Variants in TRIM13 observed in about 807,000 individuals in gnomAD.
TRIM13 encodes the protein E3 ubiquitin-protein ligase TRIM13.
A neutral mutation model predicts 27.1 loss-of-function variants in TRIM13; 15 were observed. The ratio of observed to expected loss-of-function variants is 0.55; its 90% CI spans 0.37 to 0.85. TRIM13 has a LOEUF of 0.85. Ranked by LOEUF, TRIM13 falls within the 40% of genes least tolerant of loss-of-function variation. The pLI, the probability that TRIM13 is intolerant of heterozygous loss-of-function variation, is 0.00. For synonymous variants in TRIM13, 193 were observed against 171.5 expected (o/e 1.13, Z -0.98); for missense variants, 402 against 472.2 (o/e 0.85, Z 1.38).
In TRIM13 at chr13:50,013,095, A is replaced by G. The variant is rs1875868040; in HGVS notation, c.1155A>G (p.Arg385=). The G allele has an allele frequency of 6.2e-7, 1 of 1,612,670 alleles. No individual in the cohort carries two copies. Among genetic ancestry groups the G allele is most frequent in the African/African-American group, 1.3e-5 (1 of 74,810 alleles). ...VTDGFFIFNE[R]FKNFTLVVLN... ...ATGGGTTTTTCATTTTCAATGAAAGATTCAAGAATTTTACTTTGGTGGTAC... is the reference window on the plus strand; with the variant it reads ...ATGGGTTTTTCATTTTCAATGAAAGGTTCAAGAATTTTACTTTGGTGGTAC... Residue 385 remains arginine (R), a synonymous_variant, in exon 2 of 2, where the codon AGA becomes AGG. Coordinates refer to ENST00000378182, the MANE Select transcript of TRIM13 (RefSeq NM_213590.3).
intron 1 of TRIM13, among the ~76,000 whole-genome samples, chr13:50,005,995 G>A (rs910086921): frequency 2.6e-5 from 4 of 151,938 alleles, no homozygotes; most frequent in Non-Finnish European, 5.9e-5. Flanking sequence ...GATTACAGGC[G>A]TAAACCACCG....
chr13:50,015,097 ATATATATATATATATATATATATAT>A lies in TRIM13; in HGVS notation c.*1934_*1958del, dbSNP rs1876325807. 1 of 3,418 alleles carries A rather than the reference ATATATATATATATATATATATATAT, an allele frequency of 2.9e-4. No individual in the cohort carries two copies. Among genetic ancestry groups the A allele is most frequent in the African/African-American group, 6.3e-4 (1 of 1,580 alleles). 0.2% of individuals were successfully genotyped at this position (3,418 alleles called of 1,614,324 possible). A position where few individuals can be genotyped will look rare whatever the true frequency, so the allele number is the denominator to read the frequency against. On this transcript the variant is annotated 3_prime_UTR_variant, in exon 2 of 2. Coordinates refer to ENST00000378182, the MANE Select transcript of TRIM13 (RefSeq NM_213590.3). ...TAATAAAAAAAAAAAAAAAAAAAAT[ATATATATATATATATATATATATAT>A]ATATATATATATATATATATATATA...
Position 50,012,094 on chromosome 13 carries a change from T to C in TRIM13, c.154T>C (p.Phe52Leu). The change falls in exon 2 of 2, where the codon TTC (phenylalanine) becomes CTC (leucine). Residue 52 changes from phenylalanine (F) to leucine (L), a missense_variant. This residue lies in a region of TRIM13 where 202 missense variants were observed against 277.5 expected (regional missense o/e 0.73). Coordinates refer to ENST00000378182, the MANE Select transcript of TRIM13 (RefSeq NM_213590.3). ...GAATTCCTTGTGGAGACCAGCTCCATTCAAGTGTCCTACATGCCGTAAGGA... is the reference window on the plus strand; with the variant it reads ...GAATTCCTTGTGGAGACCAGCTCCACTCAAGTGTCCTACATGCCGTAAGGA... ...VRNSLWRPAPFKCPTCRKETS... is the reference protein window; with the variant it reads ...VRNSLWRPAPLKCPTCRKETS... The C allele has an allele frequency of 1.2e-6, 2 of 1,614,156 alleles. No individual in the cohort carries two copies. The highest frequency in any genetic ancestry group is 8.5e-7 in the Non-Finnish European group (1 of 1,180,020).
chr13:49,999,578 A>G (rs111666176), intron 1 of TRIM13, among the ~76,000 whole-genome samples: 2 of 152,278 alleles, frequency 1.3e-5, no homozygotes, highest in African/African-American at 4.8e-5. Context: ...GGGATTCTCA[A>G]CTGTGTTCCC....
intron 1 of TRIM13, among the ~76,000 whole-genome samples, chr13:50,009,137 A>T (rs1018585314): frequency 1.3e-5 from 2 of 152,166 alleles, no homozygotes; most frequent in African/African-American, 4.8e-5. Context: ...AATAACAATG[A>T]TAAACCCATT....
intron 1 of TRIM13, among the ~76,000 whole-genome samples, chr13:50,008,070 A>C (rs1419079598): frequency 6.6e-6 from 1 of 151,668 alleles, no homozygotes; most frequent in African/African-American, 2.4e-5. Context: ...ACGCCCAGCT[A>C]ATTTTTTTGT....
rs1235002377 is a variant in TRIM13 at position 50,016,186 on chromosome 13, T to G, written c.*3022T>G. 16 of 776,056 alleles carry G rather than the reference T, an allele frequency of 2.1e-5. No homozygotes were observed. Among genetic ancestry groups the G allele is most frequent in the Non-Finnish European group, 3.3e-5 (16 of 482,778 alleles). The allele number at this position is 776,056 out of a possible 1,614,324, so 48.1% of individuals were successfully genotyped here. ...AAAAGATGATTATTCAAAATAATGT[T>G]TTGGGGTAACCAGTGGAGTTGGGTA... On this transcript the variant is annotated 3_prime_UTR_variant, in exon 2 of 2. Transcript: ENST00000378182.
At position 50,014,345 on chromosome 13, in the gene TRIM13, A is replaced by AT. The variant is rs1876077344; in HGVS notation, c.*1182dup. On this transcript the variant is annotated 3_prime_UTR_variant, in exon 2 of 2. Transcript: ENST00000378182. The stretch of plus-strand genomic sequence containing the variant: ...AAAAAAAAAAAAAAAAAAAAAAAAA[A>AT]TATATATATATATATACACACACAC... 1 of 31,472 alleles carries AT rather than the reference A, an allele frequency of 3.2e-5. No homozygotes were observed. The highest frequency in any genetic ancestry group is 7.0e-5 in the Non-Finnish European group (1 of 14,242). The allele number at this position is 31,472 out of a possible 1,614,324, so 1.9% of individuals were successfully genotyped here. A position where few individuals can be genotyped will look rare whatever the true frequency, so the allele number is the denominator to read the frequency against.
intron 1 of TRIM13, among the ~76,000 whole-genome samples, chr13:49,999,867 TGA>T (rs1873810817): frequency 6.6e-6 from 1 of 152,190 alleles, no homozygotes. Flanking sequence ...ACTGAGTTCT[TGA>T]GTCCCTTTCT....
At chr13:50,011,853 T>G in intron 1 of TRIM13, 82 bp from the exon 2 acceptor site, 1 of 1,445,782 alleles carries the variant, frequency 6.9e-7, no homozygotes, top group South Asian at 1.4e-5. Context: ...CATTTTAACG[T>G]GAAGGCAGAT....
intron 1 of TRIM13, among the ~76,000 whole-genome samples, chr13:49,998,973 G>A (rs1029436886): frequency 6.7e-6 from 1 of 149,722 alleles, no homozygotes; most frequent in African/African-American, 2.5e-5. Context: ...CTAACAGAAA[G>A]CCTGAAAAGT....
intron 1 of TRIM13, among the ~76,000 whole-genome samples, chr13:50,003,301 C>CA (rs976079709): frequency 6.6e-6 from 1 of 151,898 alleles, no homozygotes; most frequent in Non-Finnish European, 1.5e-5. Context: ...GAGTTAAATC[C>CA]TTAAGATAAA....
rs1216230450 is a variant in TRIM13 at position 50,014,455 on chromosome 13, T to G, written c.*1291T>G. 1 of 164,192 alleles carries G rather than the reference T, an allele frequency of 6.1e-6. No individual in the cohort carries two copies. Among genetic ancestry groups the G allele is most frequent in the African/African-American group, 2.5e-5 (1 of 40,608 alleles). 10.2% of individuals were successfully genotyped at this position (164,192 alleles called of 1,614,324 possible). The stretch of plus-strand genomic sequence containing the variant: ...AGAGCAGGAAATGGGAAGACTACCT[T>G]TTTTCTGGCAGCTATGTGTTGTTTT... On this transcript the variant is annotated 3_prime_UTR_variant, in exon 2 of 2. Transcript: ENST00000378182.
At chr13:50,001,085 C>G (rs1245827120) in intron 1 of TRIM13, 2 of 152,178 alleles carry the variant, frequency 1.3e-5, no homozygotes, top group Non-Finnish European at 2.9e-5. Context: ...AGGTCAGGAG[C>G]TCGAGACCAG....
At chr13:50,000,013 A>G (rs752860331) in intron 1 of TRIM13, among the ~76,000 whole-genome samples, 12 of 152,204 alleles carry the variant, frequency 7.9e-5, no homozygotes, top group Non-Finnish European at 5.9e-5. Context: ...AGGTGTTTAG[A>G]TGATTTCTAA....
Position 50,012,311 on chromosome 13 carries a change from C to G in TRIM13, c.371C>G (p.Thr124Ser). 5.0e-6 allele frequency: 8 copies of G among 1,614,132 alleles called. No individual in the cohort carries two copies. Among genetic ancestry groups the G allele is most frequent in the Non-Finnish European group, 6.8e-6 (8 of 1,180,010 alleles). The part of the protein sequence containing the change: ...CGICATRGEH[T>S]KHVFCSIEDA... The stretch of plus-strand genomic sequence containing the variant: ...ATCTGTGCTACTCGTGGGGAGCACA[C>G]CAAACATGTCTTCTGTTCTATTGAA... The change falls in exon 2 of 2, where the codon ACC (threonine) becomes AGC (serine). Residue 124 changes from threonine (T) to serine (S), a missense_variant. Transcript: ENST00000378182.
At chr13:50,001,712 A>C (rs1874067175) in intron 1 of TRIM13, among the ~76,000 whole-genome samples, 1 of 152,172 alleles carries the variant, frequency 6.6e-6, no homozygotes, top group Non-Finnish European at 1.5e-5. Flanking sequence ...AGGTATTGAA[A>C]TCTGATATTT....
rs1875894763 is a variant in TRIM13 at position 50,013,254 on chromosome 13, A to G, written c.*90A>G. ...AGATTTGGTCAACGATTCTAGTCAC[A>G]TATTTTCCTCCAAAAGTATTCCTTC... On this transcript the variant is annotated 3_prime_UTR_variant, in exon 2 of 2. Transcript: ENST00000378182. 2.3e-6 allele frequency: 3 copies of G among 1,282,632 alleles called. No homozygotes were observed. The highest frequency in any genetic ancestry group is 2.1e-6 in the Non-Finnish European group (2 of 945,586). 79.5% of individuals were successfully genotyped at this position (1,282,632 alleles called of 1,614,324 possible).
chr13:50,012,141 T>G lies in TRIM13; in HGVS notation c.201T>G (p.Asn67Lys). Residue 67 changes from asparagine (N) to lysine (K), a missense_variant, in exon 2 of 2, where the codon AAT (asparagine) becomes AAG (lysine). Transcript: ENST00000378182. Reference sequence around the variant, plus strand: ...AGGAAACTTCAGCTACTGGAATTAATAGCCTGCAGGTTAATTACTCCCTGA... The same window carrying G: ...AGGAAACTTCAGCTACTGGAATTAAGAGCCTGCAGGTTAATTACTCCCTGA... The part of the protein sequence containing the change: ...CRKETSATGI[N>K]SLQVNYSLKG... 6.2e-7 allele frequency: 1 copy of G among 1,614,146 alleles called. No homozygotes were observed. The highest frequency in any genetic ancestry group is 8.5e-7 in the Non-Finnish European group (1 of 1,180,016).
Sources: allele counts gnomAD v4.1 joint callset (sites outside exome capture counted in the v4.1 genomes callset), GRCh38; gene constraint gnomAD v4.1.1; regional missense constraint gnomAD v4.1.1; transcripts MANE v1.5; gene names NCBI Gene and HGNC (gene_info 2026-07-23, HGNC 2026-07-21).